The following DDX10 variants were observed in gnomAD, a reference collection of about 807,000 sequenced individuals.
DDX10 encodes DEAD-box helicase 10.
Under a neutral mutation model 104.3 loss-of-function variants are expected in DDX10, and 74 were observed. That is an observed-to-expected ratio of 0.71 (90% CI 0.59 to 0.86). DDX10 has a LOEUF of 0.86. Ranked by LOEUF, DDX10 falls within the 40% of genes least tolerant of loss-of-function variation. DDX10 has a pLI of 0.00. For missense variants in DDX10, 952 were observed against 1,040.0 expected, an observed-to-expected ratio of 0.92 and a Z score of 1.16; for synonymous variants, 351 against 353.4, an observed-to-expected ratio of 0.99 and a Z score of 0.08.
At chr11:108,807,713 T>A (rs1862120118) in intron 13 of DDX10, among the ~76,000 whole-genome samples, 1 of 152,144 alleles carries the variant, frequency 6.6e-6, no homozygotes, top group South Asian at 2.1e-4. Context: ...GCACCTGGAC[T>A]TTTCTGGGTC....
At chr11:108,939,779 A>G (rs1864082647) in intron 17 of DDX10, among the ~76,000 whole-genome samples, 1 of 152,204 alleles carries the variant, frequency 6.6e-6, no homozygotes, top group Non-Finnish European at 1.5e-5. Flanking sequence ...TTAACATCTC[A>G]GGTTCTATTT....
chr11:108,789,560 T>C (rs1290414956), intron 13 of DDX10, among the ~76,000 whole-genome samples: 3 of 152,242 alleles, frequency 2.0e-5, no homozygotes, highest in Non-Finnish European at 4.4e-5. Context: ...ATTATTTGCA[T>C]ATGCAGTAAA....
At chr11:108,868,844 A>G (rs1468525540) in intron 16 of DDX10, among the ~76,000 whole-genome samples, 1 of 151,994 alleles carries the variant, frequency 6.6e-6, no homozygotes, top group East Asian at 1.9e-4. Flanking sequence ...CACGTATGTT[A>G]TTTAATTCAT....
intron 11 of DDX10, 148 bp from the exon 12 acceptor site, chr11:108,719,649 C>T (rs555223516): frequency 2.8e-5 from 14 of 506,750 alleles, no homozygotes; most frequent in African/African-American, 2.4e-4. Context: ...GGTAGGTTTT[C>T]ATGTGTGCAT....
At chr11:108,692,668 C>T (rs951112792) in intron 8 of DDX10, among the ~76,000 whole-genome samples, 1 of 152,140 alleles carries the variant, frequency 6.6e-6, no homozygotes, top group Non-Finnish European at 1.5e-5. Context: ...TTAATCTACC[C>T]TCATATACCC....
intron 4 of DDX10, 56 bp from the exon 5 acceptor site, chr11:108,678,259 A>G (rs1254091064): frequency 3.2e-6 from 5 of 1,564,950 alleles, no homozygotes; most frequent in Middle Eastern, 4.7e-4. Flanking sequence ...TAGCTTTGGT[A>G]CACAGGCTGC....
chr11:108,678,613 T>TAAA (rs1224719325), intron 5 of DDX10, among the ~76,000 whole-genome samples, 178 bp downstream of exon 5: 1 of 152,100 alleles, frequency 6.6e-6, no homozygotes, highest in Non-Finnish European at 1.5e-5. Flanking sequence ...AAAGTAGACT[T>TAAA]AAAAAAATCA....
In DDX10 at chr11:108,685,263, G is replaced by A. The variant is rs562549665; in HGVS notation, c.849-3673G>A. ...GCCGTTTCTTAAGCCGGTCTGAAAA[G>A]CGCAATATTCGGGTGGGAGTGACCC... On this transcript the variant is annotated intron_variant, in intron 6 of 17. Coordinates refer to ENST00000322536, the MANE Select transcript of DDX10 (RefSeq NM_004398.4). Among the ~76,000 whole-genome samples the A allele has an allele frequency of 3.0e-3, 459 of 151,488 alleles. 5 individuals are homozygous for A. Among genetic ancestry groups the A allele is most frequent in the African/African-American group, 0.011 (441 of 41,242 alleles).
intron 16 of DDX10, among the ~76,000 whole-genome samples, chr11:108,871,033 CAAAAT>C (rs1424693331): frequency 2.0e-5 from 3 of 152,010 alleles, no homozygotes; most frequent in Non-Finnish European, 2.9e-5. Flanking sequence ...AACAGTAAAA[CAAAAT>C]AAAGAGGGGG....
At chr11:108,845,534 C>G (rs1862704395) in intron 15 of DDX10, among the ~76,000 whole-genome samples, 1 of 151,860 alleles carries the variant, frequency 6.6e-6, no homozygotes, top group African/African-American at 2.4e-5. Flanking sequence ...CTGTATGTCC[C>G]CAAAGAATAT....
intron 16 of DDX10, among the ~76,000 whole-genome samples, chr11:108,890,337 A>G (rs114718014): frequency 0.02 from 3,098 of 152,258 alleles, 103 homozygotes; most frequent in African/African-American, 0.071. Context: ...CGTAGCTGAG[A>G]GAGAGACTTC....
At chr11:108,824,550 A>G (rs532083562) in intron 13 of DDX10, among the ~76,000 whole-genome samples, 3 of 152,210 alleles carry the variant, frequency 2.0e-5, no homozygotes, top group Non-Finnish European at 4.4e-5. Context: ...GATATAGCCA[A>G]TTTGGACACA....
intron 13 of DDX10, among the ~76,000 whole-genome samples, chr11:108,824,629 A>G (rs1213622577): frequency 1.3e-5 from 2 of 152,162 alleles, no homozygotes; most frequent in East Asian, 3.9e-4. Context: ...TGTATCAGGC[A>G]CCGTTTCTCT....
chr11:108,797,543 A>G (rs1861962294), intron 13 of DDX10, among the ~76,000 whole-genome samples: 2 of 152,218 alleles, frequency 1.3e-5, no homozygotes, highest in South Asian at 2.1e-4. Context: ...CGACTCCAGG[A>G]GATAGAGCTC....
intron 8 of DDX10, among the ~76,000 whole-genome samples, chr11:108,692,804 GC>G (rs2094254680): frequency 6.6e-6 from 1 of 151,888 alleles, no homozygotes; most frequent in Admixed American, 6.5e-5. Context: ...GCTCACTACA[GC>G]CTCGATCTAC....
chr11:108,870,554 C>G (rs1213092888), intron 16 of DDX10, among the ~76,000 whole-genome samples: 1 of 152,178 alleles, frequency 6.6e-6, no homozygotes, highest in Non-Finnish European at 1.5e-5. Flanking sequence ...GGCCTTCGCT[C>G]TTGGTATCAC....
At position 108,909,047 on chromosome 11, in the gene DDX10, T is replaced by A; in HGVS notation, c.2305-8826T>A. Among the ~76,000 whole-genome samples, 2 of 152,180 alleles carry A rather than the reference T, an allele frequency of 1.3e-5. 1 individual carries two copies. The highest frequency in any genetic ancestry group is 1.3e-4 in the Admixed American group (2 of 15,284). The stretch of plus-strand genomic sequence containing the variant: ...TGACAGGAGTGTCTCTGGTTTTACT[T>A]AAGAAGTCACCTTTCAGCACTTGGC... On this transcript the variant is annotated intron_variant, in intron 16 of 17. Coordinates refer to ENST00000322536, the MANE Select transcript of DDX10 (RefSeq NM_004398.4).
chr11:108,819,565 A>G (rs2134576072), intron 13 of DDX10, among the ~76,000 whole-genome samples: 1 of 152,238 alleles, frequency 6.6e-6, no homozygotes, highest in South Asian at 2.1e-4. Context: ...TTTCTGTCAA[A>G]GGGTTTGTTC....
chr11:108,725,300 T>A (rs1197941287), intron 13 of DDX10, among the ~76,000 whole-genome samples: 1 of 152,118 alleles, frequency 6.6e-6, no homozygotes, highest in Admixed American at 6.5e-5. Flanking sequence ...GATAATTTTC[T>A]CATTTCTTGG....
Sources: allele counts gnomAD v4.1 joint callset (sites outside exome capture counted in the v4.1 genomes callset), GRCh38; gene constraint gnomAD v4.1.1; transcripts MANE v1.5; gene names NCBI Gene and HGNC (gene_info 2026-07-23, HGNC 2026-07-21).